DISC1: variants seen among roughly 807,000 people sequenced by gnomAD.
The protein encoded by DISC1 is DISC1 scaffold protein.
In DISC1, 57 loss-of-function variants were observed where a neutral mutation model predicts 84.5. The ratio of observed to expected loss-of-function variants is 0.67; its 90% confidence interval spans 0.55 to 0.84. DISC1 has a LOEUF of 0.84. DISC1 is among the 40% of genes least tolerant of loss of function. The pLI, the probability that DISC1 is intolerant of heterozygous loss-of-function variation, is 0.00. For synonymous variants in DISC1, 411 were observed against 415.2 expected (o/e 0.99, Z 0.12); for missense variants, 1,000 against 1,057.8 (o/e 0.95, Z 0.76).
intron 1 of DISC1, among the ~76,000 whole-genome samples, chr1:231,652,419 A>G (rs1294546729): frequency 6.6e-6 from 1 of 152,190 alleles, no homozygotes. Context: ...TCAATATTGA[A>G]TATTCAATAC....
At chr1:231,708,527 CCCCT>C (rs952068804) in intron 3 of DISC1, among the ~76,000 whole-genome samples, 6 of 152,168 alleles carry the variant, frequency 3.9e-5, no homozygotes, top group African/African-American at 1.4e-4. Context: ...TGCATACGAC[CCCCT>C]TTGCAGGTCT....
chr1:231,789,961 AATCC>A (rs2078199065), intron 6 of DISC1, among the ~76,000 whole-genome samples: 1 of 152,172 alleles, frequency 6.6e-6, no homozygotes, highest in Non-Finnish European at 1.5e-5. Context: ...GATTTTTAAA[AATCC>A]ATAATAATCA....
At chr1:231,944,171 C>A (rs908177449) in intron 9 of DISC1, among the ~76,000 whole-genome samples, 7 of 152,214 alleles carry the variant, frequency 4.6e-5, no homozygotes, top group Non-Finnish European at 7.3e-5. Context: ...CTGCACATCT[C>A]TGTTTTCCCT....
At chr1:231,836,560 G>A (rs200131744) in intron 9 of DISC1, among the ~76,000 whole-genome samples, 3 of 152,116 alleles carry the variant, frequency 2.0e-5, no homozygotes, top group Non-Finnish European at 2.9e-5. Context: ...CTATGATTTC[G>A]GATTCAGGAA....
intron 1 of DISC1, among the ~76,000 whole-genome samples, chr1:231,652,916 A>G (rs1325824306): frequency 6.6e-6 from 1 of 152,088 alleles, no homozygotes; most frequent in Non-Finnish European, 1.5e-5. Context: ...AGTAGCTAGG[A>G]TTACAGGTGC....
intron 1 of DISC1, among the ~76,000 whole-genome samples, chr1:231,692,606 G>A (rs1052185354): frequency 2.9e-4 from 37 of 128,992 alleles, no homozygotes; most frequent in Non-Finnish European, 6.2e-5. Flanking sequence ...TGGGCCTGGA[G>A]TGAAGTTTGT....
intron 9 of DISC1, among the ~76,000 whole-genome samples, chr1:231,901,584 T>A (rs1318703451): frequency 6.6e-6 from 1 of 152,194 alleles, no homozygotes; most frequent in African/African-American, 2.4e-5. Flanking sequence ...CTGTGCACCT[T>A]TAATGAAATC....
intron 9 of DISC1, among the ~76,000 whole-genome samples, chr1:231,830,365 A>G (rs1427996869): frequency 1.3e-5 from 2 of 152,194 alleles, no homozygotes; most frequent in African/African-American, 4.8e-5. Context: ...GAAAAACTAA[A>G]TGGAATAAGA....
chr1:231,713,176 G>A (rs2068099021), intron 3 of DISC1, among the ~76,000 whole-genome samples: 1 of 152,142 alleles, frequency 6.6e-6, no homozygotes, highest in African/African-American at 2.4e-5. Context: ...CCTGGGGAAG[G>A]GTGAGAGTCC....
chr1:231,879,000 G>T (rs1484279957), intron 9 of DISC1, among the ~76,000 whole-genome samples: 1 of 152,054 alleles, frequency 6.6e-6, no homozygotes, highest in African/African-American at 2.4e-5. Context: ...TTTTGCTGTT[G>T]TGGACATTTG....
chr1:231,804,795 G>T (rs1331202243), intron 8 of DISC1, among the ~76,000 whole-genome samples: 1 of 152,142 alleles, frequency 6.6e-6, no homozygotes, highest in Non-Finnish European at 1.5e-5. Context: ...TTAGGACCAG[G>T]ATACACAGAG....
intron 10 of DISC1, among the ~76,000 whole-genome samples, chr1:231,977,243 C>T (rs1662939830): frequency 6.6e-6 from 1 of 152,194 alleles, no homozygotes; most frequent in Non-Finnish European, 1.5e-5. Flanking sequence ...AACAAATTGT[C>T]ACAAACTTCA....
intron 9 of DISC1, among the ~76,000 whole-genome samples, chr1:231,845,429 G>A (rs559394287): frequency 6.6e-6 from 1 of 152,270 alleles, no homozygotes; most frequent in African/African-American, 2.4e-5. Flanking sequence ...AGTGGGGAAA[G>A]GTCTGCTGTG....
intron 2 of DISC1, among the ~76,000 whole-genome samples, chr1:231,696,994 T>G (rs2065797033): frequency 6.6e-6 from 1 of 152,124 alleles, no homozygotes; most frequent in African/African-American, 2.4e-5. Context: ...AATAACACAG[T>G]CCAGGGCATA....
At chr1:231,982,654 A>T (rs1282189352) in intron 10 of DISC1, among the ~76,000 whole-genome samples, 2 of 152,202 alleles carry the variant, frequency 1.3e-5, no homozygotes, top group African/African-American at 4.8e-5. Flanking sequence ...ACTACTTTAG[A>T]CTGGAGCTTC....
chr1:231,726,995 T>G (rs1482011621), intron 3 of DISC1, among the ~76,000 whole-genome samples: 2 of 152,186 alleles, frequency 1.3e-5, no homozygotes, highest in Non-Finnish European at 2.9e-5. Flanking sequence ...GAATCAACCT[T>G]GGATTAAGGC....
At chr1:231,696,200 C>T (rs1335634999) in intron 2 of DISC1, among the ~76,000 whole-genome samples, 1 of 152,224 alleles carries the variant, frequency 6.6e-6, no homozygotes, top group Non-Finnish European at 1.5e-5. Context: ...TGTCTCTCAT[C>T]ACCATGGCCG....
intron 3 of DISC1, among the ~76,000 whole-genome samples, chr1:231,735,989 T>C (rs1340115915): frequency 2.0e-5 from 3 of 152,186 alleles, no homozygotes; most frequent in African/African-American, 7.2e-5. Context: ...CTTATTTGTA[T>C]TTTTTGTAGA....
intron 1 of DISC1, among the ~76,000 whole-genome samples, chr1:231,654,475 G>A (rs1237801692): frequency 6.6e-6 from 1 of 152,058 alleles, no homozygotes; most frequent in East Asian, 1.9e-4. Context: ...ATTTTTGTGT[G>A]TGTGTGGTAT....
Sources: allele counts gnomAD v4.1 joint callset (sites outside exome capture counted in the v4.1 genomes callset), GRCh38; gene constraint gnomAD v4.1.1; transcripts MANE v1.5; gene names NCBI Gene and HGNC (gene_info 2026-07-23, HGNC 2026-07-21).